Variants in PDE8A observed in about 807,000 individuals in gnomAD.
PDE8A encodes the protein high affinity cAMP-specific and IBMX-insensitive 3',5'-cyclic phosphodiesterase 8A.
Under a neutral mutation model 105.0 loss-of-function variants are expected in PDE8A, and 59 were observed. The ratio of observed to expected loss-of-function variants is 0.56; its 90% CI spans 0.46 to 0.70. The LOEUF (loss-of-function observed/expected upper bound fraction) is 0.70. PDE8A is among the 30% of genes least tolerant of loss of function. The pLI is 0.00. For synonymous variants in PDE8A, 355 were observed against 371.9 expected, an observed-to-expected ratio of 0.95 and a Z score of 0.52; for missense variants, 1,014 against 1,045.9, an observed-to-expected ratio of 0.97 and a Z score of 0.42.
chr15:85,121,121 A>G (rs1596539701), intron 18 of PDE8A, 107 bp downstream of exon 18: 1 of 721,348 alleles, frequency 1.4e-6, no homozygotes, highest in East Asian at 2.7e-5. Flanking sequence ...AAAGTGCACA[A>G]AGTATACAGT....
At chr15:84,999,113 G>A (rs949958718) in intron 1 of PDE8A, among the ~76,000 whole-genome samples, 2 of 144,406 alleles carry the variant, frequency 1.4e-5, no homozygotes, top group East Asian at 2.1e-4. Flanking sequence ...TTCCTGATAG[G>A]TCACATTCTT....
chr15:85,011,102 A>G (rs2080231955), intron 1 of PDE8A, among the ~76,000 whole-genome samples: 1 of 152,112 alleles, frequency 6.6e-6, no homozygotes, highest in Non-Finnish European at 1.5e-5. Context: ...CGACTTTGCA[A>G]GTATCATAAA....
chr15:84,982,341 G>C lies in PDE8A; in HGVS notation c.179G>C (p.Gly60Ala). The change falls in exon 1 of 22, where the codon GGC becomes GCC. Residue 60 changes from glycine to alanine, a missense_variant. By Grantham distance (60) the Gly-to-Ala change is moderately conservative. Coordinates refer to ENST00000394553, the MANE Select transcript of PDE8A (RefSeq NM_002605.3). ...GAGTCGGAGCTTCGCGACGGCAGCG[G>C]CAAGAAGGTAAGGGGCGCCGGGCAC... is the stretch of plus-strand genomic sequence containing the variant. ...LLESELRDGS[G>A]KKVAVADVQF... 7.5e-7 allele frequency: 1 copy of C among 1,327,602 alleles called. No homozygotes were observed. The highest frequency in any genetic ancestry group is 9.6e-7 in the Non-Finnish European group (1 of 1,042,230). The allele number at this position is 1,327,602 out of a possible 1,614,324, so 82.2% of individuals were successfully genotyped here.
intron 5 of PDE8A, 133 bp from the exon 6 acceptor site, chr15:85,083,423 G>A (rs2081499535): frequency 1.7e-6 from 1 of 591,146 alleles, no homozygotes; most frequent in Non-Finnish European, 3.0e-6. Context: ...CTTACCTTCT[G>A]TTCATCATTA....
At chr15:85,133,933 G>C (rs1382998110) in intron 20 of PDE8A, among the ~76,000 whole-genome samples, 2 of 152,158 alleles carry the variant, frequency 1.3e-5, no homozygotes, top group African/African-American at 4.8e-5. Context: ...GCCAGGTGTT[G>C]TACAGTCTTT....
intron 1 of PDE8A, among the ~76,000 whole-genome samples, chr15:84,992,747 G>A (rs1213082942): frequency 6.6e-6 from 1 of 152,196 alleles, no homozygotes; most frequent in Non-Finnish European, 1.5e-5. Context: ...GGAGAGTGGA[G>A]GGTGACTCAG....
At chr15:85,034,771 C>T (rs1356521202) in intron 1 of PDE8A, among the ~76,000 whole-genome samples, 1 of 152,156 alleles carries the variant, frequency 6.6e-6, no homozygotes, top group Non-Finnish European at 1.5e-5. Flanking sequence ...TGGTCTTGAA[C>T]TCCTCCTGGG....
At chr15:84,989,680 A>G (rs1467854916) in intron 1 of PDE8A, among the ~76,000 whole-genome samples, 1 of 152,242 alleles carries the variant, frequency 6.6e-6, no homozygotes, top group Non-Finnish European at 1.5e-5. Flanking sequence ...AAGGATAACT[A>G]AAAATAATCT....
At chr15:85,108,982 T>C (rs2081983817) in intron 11 of PDE8A, 71 bp from the exon 12 acceptor site, 1 of 1,087,870 alleles carries the variant, frequency 9.2e-7, no homozygotes, top group South Asian at 1.4e-5. Flanking sequence ...AAAAAAATTT[T>C]AGATTGGTAA....
chr15:85,098,917 A>G (rs1029225911), intron 9 of PDE8A, among the ~76,000 whole-genome samples: 3 of 152,210 alleles, frequency 2.0e-5, no homozygotes, highest in African/African-American at 7.2e-5. Context: ...TGATCATGCC[A>G]CTGTACTCCA....
intron 1 of PDE8A, among the ~76,000 whole-genome samples, chr15:85,000,659 A>G (rs751682462): frequency 3.9e-5 from 6 of 152,150 alleles, no homozygotes; most frequent in Non-Finnish European, 7.4e-5. Flanking sequence ...AGGCTCTGGA[A>G]AGACCTTCAA....
chr15:84,996,599 CA>C (rs981146743), intron 1 of PDE8A, among the ~76,000 whole-genome samples: 5 of 152,082 alleles, frequency 3.3e-5, no homozygotes, highest in Admixed American at 1.3e-4. Context: ...CTGAGGCGGG[CA>C]AACCACCTGA....
intron 8 of PDE8A, among the ~76,000 whole-genome samples, chr15:85,095,891 A>G (rs997219083): frequency 6.7e-6 from 1 of 148,962 alleles, no homozygotes; most frequent in Non-Finnish European, 1.5e-5. Flanking sequence ...TTATATATAT[A>G]TTTTTTGTTT....
intron 12 of PDE8A, 138 bp from the exon 13 acceptor site, chr15:85,113,239 T>TG: frequency 1.4e-6 from 1 of 739,924 alleles, no homozygotes; most frequent in Non-Finnish European, 2.4e-6. Context: ...CCCAGGCTTG[T>TG]TAGGATGGGA....
chr15:85,006,093 G>A (rs1596431501), intron 1 of PDE8A, among the ~76,000 whole-genome samples: 1 of 152,048 alleles, frequency 6.6e-6, no homozygotes, highest in African/African-American at 2.4e-5. Flanking sequence ...TCTCAGGAAG[G>A]GGAACATCAC....
intron 1 of PDE8A, among the ~76,000 whole-genome samples, chr15:85,028,510 C>T (rs557882676): frequency 2.0e-5 from 3 of 152,258 alleles, no homozygotes; most frequent in Non-Finnish European, 2.9e-5. Context: ...CCACCACGCC[C>T]GCCCAGCATG....
intron 20 of PDE8A, among the ~76,000 whole-genome samples, chr15:85,130,878 G>A (rs1271443270): frequency 6.6e-6 from 1 of 152,120 alleles, no homozygotes; most frequent in East Asian, 1.9e-4. Context: ...TCCTGCCTCA[G>A]CCTCCTGAGT....
intron 1 of PDE8A, among the ~76,000 whole-genome samples, chr15:85,011,401 C>G (rs2080236985): frequency 6.6e-6 from 1 of 152,116 alleles, no homozygotes; most frequent in Admixed American, 6.5e-5. Flanking sequence ...GCTTTTTGAC[C>G]TTTGGCAAGT....
At chr15:85,087,361 C>T (rs1429953563) in intron 6 of PDE8A, among the ~76,000 whole-genome samples, 1 of 152,094 alleles carries the variant, frequency 6.6e-6, no homozygotes, top group Non-Finnish European at 1.5e-5. Flanking sequence ...TACCACCAGG[C>T]CAGCTAATTT....
Sources: allele counts gnomAD v4.1 joint callset (sites outside exome capture counted in the v4.1 genomes callset), GRCh38; gene constraint gnomAD v4.1.1; transcripts MANE v1.5; gene names NCBI Gene and HGNC (gene_info 2026-07-23, HGNC 2026-07-21).